TRPM3: variants seen among roughly 807,000 people sequenced by gnomAD.
The protein encoded by TRPM3 is long transient receptor potential channel 3.
TRPM3 carries 77 observed loss-of-function variants against 181.2 expected under a neutral mutation model. The ratio of observed to expected loss-of-function variants is 0.42; its 90% CI spans 0.35 to 0.51. TRPM3 has a LOEUF of 0.51. Ranked by LOEUF, TRPM3 falls within the 20% of genes least tolerant of loss-of-function variation. The probability of loss-of-function intolerance (pLI) is 0.01; values close to 1 mark genes in which losing one functional copy is unlikely to be tolerated. For synonymous variants in TRPM3, 745 were observed against 796.4 expected (o/e 0.94, Z 1.09); for missense variants, 1,759 against 2,196.7 (o/e 0.80, Z 3.98).
At chr9:70,573,276 A>G (rs2052951526) in intron 22 of TRPM3, among the ~76,000 whole-genome samples, 1 of 152,216 alleles carries the variant, frequency 6.6e-6, no homozygotes, top group African/African-American at 2.4e-5. Flanking sequence ...AAAATGTTGA[A>G]CAACTCATGA....
intron 1 of TRPM3, among the ~76,000 whole-genome samples, chr9:71,311,683 A>C (rs1173079570): frequency 6.6e-6 from 1 of 152,114 alleles, no homozygotes; most frequent in East Asian, 1.9e-4. Context: ...CAAAGAAAAA[A>C]AAATCTAGAT....
At chr9:70,679,981 A>G (rs2065017904) in intron 9 of TRPM3, among the ~76,000 whole-genome samples, 1 of 152,124 alleles carries the variant, frequency 6.6e-6, no homozygotes, top group Admixed American at 6.6e-5. Context: ...TTCTTAGTTC[A>G]TTGGGATAAA....
intron 1 of TRPM3, among the ~76,000 whole-genome samples, chr9:71,003,964 C>T (rs2097646412): frequency 6.6e-6 from 1 of 152,112 alleles, no homozygotes; most frequent in African/African-American, 2.4e-5. Flanking sequence ...TTCCTTAGAC[C>T]CATGGTTTCT....
At chr9:71,335,650 G>T (rs897574773) in intron 1 of TRPM3, among the ~76,000 whole-genome samples, 3 of 152,070 alleles carry the variant, frequency 2.0e-5, no homozygotes, top group Non-Finnish European at 4.4e-5. Flanking sequence ...AATAAACTGA[G>T]TTATTTAAAA....
chr9:70,898,785 AAG>A (rs1173184804), intron 1 of TRPM3, among the ~76,000 whole-genome samples: 2 of 151,712 alleles, frequency 1.3e-5, no homozygotes, highest in African/African-American at 4.8e-5. Flanking sequence ...AAGAAAAGAA[AAG>A]AAAGAAAAAA....
chr9:71,105,985 G>T (rs1451502186), intron 1 of TRPM3, among the ~76,000 whole-genome samples: 1 of 152,050 alleles, frequency 6.6e-6, no homozygotes, highest in East Asian at 1.9e-4. Flanking sequence ...TGAGCTTACA[G>T]AAAAAATTCA....
chr9:71,262,683 T>C (rs1248809999), intron 1 of TRPM3, among the ~76,000 whole-genome samples: 3 of 152,234 alleles, frequency 2.0e-5, no homozygotes, highest in Non-Finnish European at 2.9e-5. Flanking sequence ...GGGAATCTCC[T>C]GGTCTGTGGG....
chr9:71,252,367 C>A (rs879267837), intron 1 of TRPM3, among the ~76,000 whole-genome samples: 1 of 152,088 alleles, frequency 6.6e-6, no homozygotes, highest in East Asian at 1.9e-4. Flanking sequence ...GGGTTCTGTT[C>A]ATTTCCTTTA....
chr9:70,674,328 T>C (rs12380623), intron 9 of TRPM3, among the ~76,000 whole-genome samples: 32,749 of 152,060 alleles, frequency 0.22, 3,834 homozygotes, highest in South Asian at 0.28. Flanking sequence ...TCAAAACATA[T>C]GCCAAAGTTT....
At chr9:70,742,088 A>G (rs1319620422) in intron 8 of TRPM3, among the ~76,000 whole-genome samples, 2 of 152,160 alleles carry the variant, frequency 1.3e-5, no homozygotes, top group Non-Finnish European at 2.9e-5. Flanking sequence ...AAAAGTTATG[A>G]CCTATTACTT....
intron 1 of TRPM3, among the ~76,000 whole-genome samples, chr9:70,992,093 G>A (rs1434206878): frequency 6.6e-6 from 1 of 152,154 alleles, no homozygotes; most frequent in Admixed American, 6.5e-5. Context: ...GGCACAGAGT[G>A]TCACAGTTAT....
At chr9:70,915,703 G>GAAA (rs142856428) in intron 1 of TRPM3, among the ~76,000 whole-genome samples, 3 of 137,176 alleles carry the variant, frequency 2.2e-5, no homozygotes, top group Middle Eastern at 3.8e-3. Flanking sequence ...TGAGAGAAAA[G>GAAA]AAAAAAAAAA....
rs2063425693 is a variant in TRPM3 at position 70,620,207 on chromosome 9, G to T, written c.1998C>A (p.Phe666Leu). 6.2e-7 allele frequency: 1 copy of T among 1,614,102 alleles called. No homozygotes were observed. Among genetic ancestry groups the T allele is most frequent in the African/African-American group, 1.3e-5 (1 of 74,928 alleles). Reference protein sequence around the residue: ...VLMKRQKMALFFWQHGEEAMA... With the variant: ...VLMKRQKMALLFWQHGEEAMA... ...TGGCCTCCTCACCGTGCTGCCAGAA[G>T]AACAGGGCCATCTTCTGCCGCTTCA... The change falls in exon 16 of 26, where the codon TTC becomes TTA. Residue 666 changes from phenylalanine (F) to leucine (L), a missense_variant. Physicochemically the swap from Phe to Leu is conservative, Grantham distance 22. Coordinates refer to ENST00000677713, the MANE Select transcript of TRPM3 (RefSeq NM_001366145.2).
intron 1 of TRPM3, among the ~76,000 whole-genome samples, chr9:71,192,056 C>A (rs11142719): frequency 9.2e-5 from 14 of 151,764 alleles, no homozygotes; most frequent in Admixed American, 7.2e-4. Context: ...ATACAGTAAC[C>A]TTTACGTCTG....
At chr9:70,865,925 T>G (rs765417670) in intron 1 of TRPM3, among the ~76,000 whole-genome samples, 3 of 152,116 alleles carry the variant, frequency 2.0e-5, no homozygotes, top group Non-Finnish European at 4.4e-5. Flanking sequence ...GGCCTCTGCA[T>G]TCTCACACCA....
At chr9:70,951,233 A>G (rs1248336456) in intron 1 of TRPM3, among the ~76,000 whole-genome samples, 1 of 152,216 alleles carries the variant, frequency 6.6e-6, no homozygotes, top group African/African-American at 2.4e-5. Flanking sequence ...TAAGAGGTAA[A>G]TAACATTTCT....
chr9:70,547,357 G>A (rs1228019160), intron 25 of TRPM3, among the ~76,000 whole-genome samples: 1 of 151,786 alleles, frequency 6.6e-6, no homozygotes, highest in Non-Finnish European at 1.5e-5. Context: ...AATAAGACAG[G>A]TGATTTCACC....
chr9:70,794,140 T>C (rs1350132797), intron 6 of TRPM3, among the ~76,000 whole-genome samples: 1 of 152,060 alleles, frequency 6.6e-6, no homozygotes, highest in Admixed American at 6.6e-5. Context: ...AGGTCAATGC[T>C]GAGTGCAGTC....
At position 70,619,051 on chromosome 9, in the gene TRPM3, T is replaced by A; in HGVS notation, c.2174A>T (p.Lys725Met). 6.2e-7 allele frequency: 1 copy of A among 1,614,172 alleles called. No homozygotes were observed. The change falls in exon 17 of 26, where the codon AAG becomes ATG. Residue 725 changes from lysine (K) to methionine (M), a missense_variant. By Grantham distance (95) the Lys-to-Met change is moderately conservative. Around this residue, in one of 8 missense-constraint regions of TRPM3, gnomAD observed 737 missense variants for 957.4 expected, o/e 0.77. Coordinates refer to ENST00000677713, the MANE Select transcript of TRPM3 (RefSeq NM_001366145.2). ...TTTCATGGCCAGCTGTTCGTCCTGC[T>A]TGTAGGACTGGTCCAGGAGCTCCAC... ...LAVELLDQSY[K>M]QDEQLAMKLL...
Sources: gnomAD v4.1 joint callset for allele counts (sites outside exome capture counted in the v4.1 genomes callset) on GRCh38, gnomAD v4.1.1 for gene constraint, gnomAD v4.1.1 regional missense constraint, MANE v1.5 for transcripts, NCBI Gene and HGNC (gene_info 2026-07-23, HGNC 2026-07-21) for gene names.